Variants in COL28A1 observed in about 807,000 individuals in gnomAD.
COL28A1 encodes collagen type XXVIII alpha 1 chain.
Under a neutral mutation model 150.2 loss-of-function variants are expected in COL28A1, and 161 were observed. That is an observed-to-expected ratio of 1.07 (90% CI 0.94 to 1.22). The LOEUF is 1.22. COL28A1 is among the 50% of genes most tolerant of loss of function. The pLI, the probability that COL28A1 is intolerant of heterozygous loss-of-function variation, is 0.00. For synonymous variants in COL28A1, 552 were observed against 469.7 expected (o/e 1.18, Z -2.26); for missense variants, 1,617 against 1,388.3 (o/e 1.16, Z -2.62).
chr7:7,517,805 T>A lies in COL28A1; in HGVS notation c.846A>T (p.Arg282Ser), dbSNP rs990190612. 1 of 1,613,760 alleles carries A rather than the reference T, an allele frequency of 6.2e-7. No homozygotes were observed. Among genetic ancestry groups the A allele is most frequent in the Admixed American group, 1.7e-5 (1 of 60,006 alleles). Residue 282 changes from arginine to serine, a missense_variant, in exon 7 of 35, where the codon AGA (arginine) becomes AGT (serine). Transcript: ENST00000399429. ...GNAQKGEAGE[R>S]GPGGIPGYKG... is the part of the protein sequence containing the mutation. Reference sequence around the variant, plus strand: ...CCAGTTGTGTACATACCCCTGGACCTCTTTCTCCAGCTTCTCCTTTTTGAG... The same window carrying A: ...CCAGTTGTGTACATACCCCTGGACCACTTTCTCCAGCTTCTCCTTTTTGAG...
At chr7:7,496,271 C>T (rs111248572) in intron 11 of COL28A1, among the ~76,000 whole-genome samples, 3 of 152,136 alleles carry the variant, frequency 2.0e-5, no homozygotes, top group African/African-American at 4.8e-5. Context: ...TTCAGCTTTG[C>T]ATTCTCAGTG....
intron 27 of COL28A1, among the ~76,000 whole-genome samples, chr7:7,407,268 C>T (rs1352671745): frequency 6.6e-6 from 1 of 151,930 alleles, no homozygotes. Context: ...AAGACTAGGT[C>T]AGAAGCAATC....
intron 27 of COL28A1, among the ~76,000 whole-genome samples, chr7:7,400,802 T>C (rs1783132048): frequency 6.6e-6 from 1 of 152,228 alleles, no homozygotes; most frequent in South Asian, 2.1e-4. Flanking sequence ...TCTTATCATT[T>C]TCTCTTTTTA....
At chr7:7,355,513 G>A (rs1192630017), downstream of COL28A1, among the ~76,000 whole-genome samples, 1 of 152,078 alleles carries the variant, frequency 6.6e-6, no homozygotes, top group East Asian at 1.9e-4. Flanking sequence ...AGGAGGCTGA[G>A]GTGAGAGGAT....
chr7:7,399,675 G>A (rs1014284505), intron 27 of COL28A1, among the ~76,000 whole-genome samples: 11 of 152,132 alleles, frequency 7.2e-5, no homozygotes, highest in African/African-American at 2.7e-4. Flanking sequence ...GGAAAAATGC[G>A]ATCCAAGAAT....
At chr7:7,496,298 A>C (rs1372910778) in intron 11 of COL28A1, among the ~76,000 whole-genome samples, 1 of 152,168 alleles carries the variant, frequency 6.6e-6, no homozygotes, top group Non-Finnish European at 1.5e-5. Flanking sequence ...TCATTACTAT[A>C]ATTCACTCAA....
In COL28A1 at chr7:7,477,137, G is replaced by C. The variant is rs1788958506; in HGVS notation, c.1208C>G (p.Pro403Arg). 2 of 1,350,292 alleles carry C rather than the reference G, an allele frequency of 1.5e-6. No individual in the cohort carries two copies. Among genetic ancestry groups the C allele is most frequent in the African/African-American group, 1.4e-5 (1 of 70,106 alleles). 83.6% of individuals were successfully genotyped at this position (1,350,292 alleles called of 1,614,324 possible). A position where few individuals can be genotyped will look rare whatever the true frequency, so the allele number is the denominator to read the frequency against. The stretch of plus-strand genomic sequence containing the variant: ...CTTTGGTCCTGGAAATCCTTCTCCG[G>C]GTAAGCCCCTCTCTCCTGGTACTCC... ...PEGVPGERGL[P>R]GEGFPGPKGE... Residue 403 changes from proline to arginine, a missense_variant, in exon 14 of 35, where the codon CCC becomes CGC. By Grantham distance (103) the Pro-to-Arg change is moderately radical (BLOSUM62 -2). Coordinates refer to ENST00000399429, the MANE Select transcript of COL28A1 (RefSeq NM_001037763.3).
At chr7:7,497,051 G>C (rs1175150069) in intron 11 of COL28A1, among the ~76,000 whole-genome samples, 1 of 138,846 alleles carries the variant, frequency 7.2e-6, no homozygotes, top group Non-Finnish European at 1.6e-5. Flanking sequence ...AGGAGGGAGG[G>C]AGGGAGGGAA....
upstream of COL28A1, among the ~76,000 whole-genome samples, chr7:7,538,599 T>C (rs943751657): frequency 1.3e-5 from 2 of 152,328 alleles, no homozygotes; most frequent in African/African-American, 4.8e-5. Context: ...ATTGTGTTTA[T>C]TGATTCTAGT....
chr7:7,376,420 A>T (rs889410833), intron 30 of COL28A1, among the ~76,000 whole-genome samples: 2 of 152,208 alleles, frequency 1.3e-5, no homozygotes, highest in Non-Finnish European at 2.9e-5. Context: ...TATTCATAGT[A>T]TTTTAATTTA....
intron 27 of COL28A1, among the ~76,000 whole-genome samples, chr7:7,395,870 G>A (rs538369916): frequency 3.3e-5 from 5 of 152,074 alleles, no homozygotes; most frequent in African/African-American, 4.8e-5. Flanking sequence ...ATTAGGAACC[G>A]GGGGAACTGT....
In COL28A1 at chr7:7,506,044, G is replaced by T; in HGVS notation, c.996C>A (p.Asp332Glu). Residue 332 changes from aspartate to glutamate, a missense_variant, in exon 11 of 35, where the codon GAC becomes GAA. By Grantham distance (45) the Asp-to-Glu change is conservative (BLOSUM62 2). Coordinates refer to ENST00000399429, the MANE Select transcript of COL28A1 (RefSeq NM_001037763.3). ...GIQGITGPPG[D>E]PGPKGFQGNK... is the part of the protein sequence containing the mutation. Reference sequence around the variant, plus strand: ...TGCCTTGAAACCCCTTTGGGCCTGGGTCTCCTGGAGGTCCAGTAATTCCCT... The same window carrying T: ...TGCCTTGAAACCCCTTTGGGCCTGGTTCTCCTGGAGGTCCAGTAATTCCCT... 1 of 1,472,318 alleles carries T rather than the reference G, an allele frequency of 6.8e-7. No individual in the cohort carries two copies. The highest frequency in any genetic ancestry group is 9.5e-7 in the Non-Finnish European group (1 of 1,050,758). 91.2% of individuals were successfully genotyped at this position (1,472,318 alleles called of 1,614,324 possible). A position where few individuals can be genotyped will look rare whatever the true frequency, so the allele number is the denominator to read the frequency against.
At chr7:7,508,752 A>G (rs1780963743) in intron 9 of COL28A1, among the ~76,000 whole-genome samples, 2 of 151,776 alleles carry the variant, frequency 1.3e-5, no homozygotes, top group African/African-American at 2.4e-5. Context: ...TGCAGCCTCT[A>G]TCTCCCAGGT....
At chr7:7,490,973 T>C (rs1185501908) in intron 11 of COL28A1, among the ~76,000 whole-genome samples, 1 of 152,232 alleles carries the variant, frequency 6.6e-6, no homozygotes, top group Non-Finnish European at 1.5e-5. Context: ...TTCATAAATA[T>C]AATTTTTTAA....
rs746056335 is a variant in COL28A1, at chr7:7,380,860, T to TC, written c.2207dup (p.Glu737ArgfsTer13). The TC allele has an allele frequency of 1.2e-6, 2 of 1,612,318 alleles. No homozygotes were observed. The highest frequency in any genetic ancestry group is 3.3e-5 in the Admixed American group (2 of 60,020). ...CCACATCGCCCCGTTCTCCGTGCTC[T>TC]CCCTTTACACAATAGGGTAAAATGA... is the stretch of plus-strand genomic sequence containing the variant. On this transcript the variant is annotated frameshift_variant and splice_region_variant, in exon 29 of 35. Coordinates refer to ENST00000399429, the MANE Select transcript of COL28A1 (RefSeq NM_001037763.3). LOFTEE classifies it high-confidence loss of function.
intron 11 of COL28A1, among the ~76,000 whole-genome samples, chr7:7,502,934 TGA>T (rs1780615684): frequency 2.2e-5 from 1 of 46,362 alleles, no homozygotes; most frequent in South Asian, 5.8e-4. Flanking sequence ...CCTGACCTCG[TGA>T]TCCGCCCGCC....
intron 27 of COL28A1, among the ~76,000 whole-genome samples, chr7:7,398,277 C>T (rs912223107): frequency 6.6e-6 from 1 of 152,218 alleles, no homozygotes; most frequent in African/African-American, 2.4e-5. Context: ...GCTCTCAATA[C>T]TTACAGTCAA....
intron 27 of COL28A1, among the ~76,000 whole-genome samples, chr7:7,408,125 T>C (rs1783590534): frequency 1.3e-5 from 2 of 152,096 alleles, no homozygotes; most frequent in South Asian, 2.1e-4. Flanking sequence ...TTGGCTTTCT[T>C]AGAGCAGGGT....
intron 25 of COL28A1, chr7:7,431,222 G>A: frequency 5.7e-6 from 1 of 174,190 alleles, no homozygotes; most frequent in South Asian, 1.3e-4. Flanking sequence ...TCTCCCTTTA[G>A]GGTAATATTG....
Sources: allele counts gnomAD v4.1 joint callset (sites outside exome capture counted in the v4.1 genomes callset), GRCh38; gene constraint gnomAD v4.1.1; transcripts MANE v1.5; gene names NCBI Gene and HGNC (gene_info 2026-07-23, HGNC 2026-07-21).